GABRB3: variants seen among roughly 807,000 people sequenced by gnomAD.
GABRB3 encodes the protein gamma-aminobutyric acid receptor subunit beta-3.
A neutral mutation model predicts 52.1 loss-of-function variants in GABRB3; 14 were observed. The observed-to-expected ratio is 0.27, with a 90% CI of 0.18 to 0.42. GABRB3 has a LOEUF of 0.42. Ranked by LOEUF, GABRB3 falls within the 10% of genes least tolerant of loss-of-function variation. GABRB3 has a pLI of 1.00. For synonymous variants in GABRB3, 260 were observed against 232.3 expected, an observed-to-expected ratio of 1.12 and a Z score of -1.08; for missense variants, 307 against 609.1, an observed-to-expected ratio of 0.50 and a Z score of 5.22.
chr15:26,551,736 C>T (rs1203128935), intron 8 of GABRB3, among the ~76,000 whole-genome samples: 1 of 152,126 alleles, frequency 6.6e-6, no homozygotes, highest in Non-Finnish European at 1.5e-5. Flanking sequence ...TTACAGGCAG[C>T]ATTGGTTTAG....
chr15:26,580,877 T>G (rs1890763173), intron 5 of GABRB3, among the ~76,000 whole-genome samples: 2 of 152,224 alleles, frequency 1.3e-5, no homozygotes. Context: ...AGTTCAAAGT[T>G]CAAATACTGA....
intron 8 of GABRB3, among the ~76,000 whole-genome samples, chr15:26,559,000 T>A (rs1176666640): frequency 6.6e-6 from 1 of 151,932 alleles, no homozygotes; most frequent in African/African-American, 2.4e-5. Context: ...TGGCAGAAGG[T>A]AAAGGGGGAG....
At chr15:26,680,254 C>T (rs8039336) in intron 3 of GABRB3, among the ~76,000 whole-genome samples, 38,300 of 152,154 alleles carry the variant, frequency 0.25, 5,579 homozygotes, top group Middle Eastern at 0.44. Flanking sequence ...TCAGAATTGC[C>T]AGGCTTCCCA....
intron 4 of GABRB3, among the ~76,000 whole-genome samples, chr15:26,603,390 T>G (rs969912468): frequency 1.3e-5 from 2 of 151,710 alleles, no homozygotes; most frequent in African/African-American, 4.8e-5. Flanking sequence ...AGGAAATACT[T>G]CCAAACTCAT....
chr15:26,622,163 G>A (rs1339426024), intron 3 of GABRB3, among the ~76,000 whole-genome samples: 1 of 152,056 alleles, frequency 6.6e-6, no homozygotes, highest in Non-Finnish European at 1.5e-5. Context: ...ATTCACCTGA[G>A]GAAAATGGGA....
At chr15:26,575,133 T>C (rs1890549315) in intron 6 of GABRB3, among the ~76,000 whole-genome samples, 1 of 152,222 alleles carries the variant, frequency 6.6e-6, no homozygotes, top group Non-Finnish European at 1.5e-5. Flanking sequence ...TTAAAGGCAA[T>C]TCAAAAGGAT....
intron 8 of GABRB3, among the ~76,000 whole-genome samples, chr15:26,554,566 C>T (rs1889682512): frequency 6.6e-6 from 1 of 152,084 alleles, no homozygotes; most frequent in Non-Finnish European, 1.5e-5. Context: ...AAGCCTTGTC[C>T]TCTCTTCCCA....
intron 3 of GABRB3, among the ~76,000 whole-genome samples, chr15:26,713,308 T>C (rs1889362921): frequency 6.6e-6 from 1 of 152,146 alleles, no homozygotes; most frequent in Non-Finnish European, 1.5e-5. Context: ...TATTATTTTT[T>C]CATGGTGTGA....
At chr15:26,631,271 T>C (rs1166239430) in intron 3 of GABRB3, among the ~76,000 whole-genome samples, 1 of 152,246 alleles carries the variant, frequency 6.6e-6, no homozygotes, top group Non-Finnish European at 1.5e-5. Context: ...GCAGCTCAGA[T>C]GAATTGCAGT....
At chr15:26,573,931 G>A (rs572782882) in intron 6 of GABRB3, among the ~76,000 whole-genome samples, 9 of 152,260 alleles carry the variant, frequency 5.9e-5, no homozygotes, top group Admixed American at 4.6e-4. Context: ...CACGCCTATA[G>A]TCCTAGGTAC....
At chr15:26,766,106 G>A (rs1174929333) in intron 3 of GABRB3, among the ~76,000 whole-genome samples, 1 of 152,092 alleles carries the variant, frequency 6.6e-6, no homozygotes, top group Non-Finnish European at 1.5e-5. Flanking sequence ...ACCGCAGAAT[G>A]GTGTAAAACT....
At chr15:26,667,178 G>A (rs1355122014) in intron 3 of GABRB3, among the ~76,000 whole-genome samples, 3 of 152,278 alleles carry the variant, frequency 2.0e-5, no homozygotes, top group African/African-American at 7.2e-5. Flanking sequence ...AGAGGGTCAC[G>A]GTTGCAGGTT....
chr15:26,556,229 G>A (rs1291608517), intron 8 of GABRB3, among the ~76,000 whole-genome samples: 2 of 152,052 alleles, frequency 1.3e-5, no homozygotes, highest in African/African-American at 2.4e-5. Context: ...AACATTCAAC[G>A]ACTAAAAACA....
chr15:26,725,458 C>T (rs1489677415), intron 3 of GABRB3, among the ~76,000 whole-genome samples: 1 of 152,190 alleles, frequency 6.6e-6, no homozygotes, highest in Non-Finnish European at 1.5e-5. Context: ...CCTCCACACA[C>T]CACATTGGAC....
At chr15:26,558,446 A>AC (rs1567102735) in intron 8 of GABRB3, among the ~76,000 whole-genome samples, 1 of 152,186 alleles carries the variant, frequency 6.6e-6, no homozygotes, top group Non-Finnish European at 1.5e-5. Context: ...CATGGAGGGC[A>AC]CAGGATAGAG....
intron 4 of GABRB3, among the ~76,000 whole-genome samples, chr15:26,608,049 C>T (rs896259740): frequency 4.0e-5 from 6 of 149,894 alleles, no homozygotes; most frequent in Non-Finnish European, 8.9e-5. Flanking sequence ...ATCACACTAC[C>T]TTATTTCAAA....
chr15:26,631,536 T>C (rs1438430804), intron 3 of GABRB3, among the ~76,000 whole-genome samples: 1 of 152,220 alleles, frequency 6.6e-6, no homozygotes, highest in African/African-American at 2.4e-5. Context: ...TTGCATCTGG[T>C]TCAGCAAGTT....
At chr15:26,665,584 G>A (rs1887685342) in intron 3 of GABRB3, among the ~76,000 whole-genome samples, 1 of 152,184 alleles carries the variant, frequency 6.6e-6, no homozygotes, top group Non-Finnish European at 1.5e-5. Flanking sequence ...ACAAGAGGAG[G>A]AATAGGAAAT....
intron 2 of GABRB3, 99 bp from the exon 3 acceptor site, chr15:26,772,568 G>GA: frequency 6.9e-7 from 1 of 1,447,612 alleles, no homozygotes; most frequent in Non-Finnish European, 9.4e-7. Flanking sequence ...GCGGGCGAAG[G>GA]GCCCCCACTC....
Sources: allele counts gnomAD v4.1 joint callset (sites outside exome capture counted in the v4.1 genomes callset), GRCh38; gene constraint gnomAD v4.1.1; transcripts MANE v1.5; gene names NCBI Gene and HGNC (gene_info 2026-07-23, HGNC 2026-07-21).